Variants in WDR26 observed in about 807,000 individuals in gnomAD.
WDR26 encodes WD repeat domain 26, also known as WD repeat-containing protein 26.
WDR26 carries 5 observed loss-of-function variants against 84.1 expected under a neutral mutation model. That is an observed-to-expected ratio of 0.06 (90% CI 0.03 to 0.13). The LOEUF is 0.13. Ranked by LOEUF, WDR26 falls within the 10% of genes least tolerant of loss-of-function variation. The pLI, the probability that WDR26 is intolerant of heterozygous loss-of-function variation, is 1.00. For missense variants in WDR26, 642 were observed against 974.9 expected (o/e 0.66, Z 4.55); for synonymous variants, 415 against 389.6 (o/e 1.07, Z -0.77).
At position 224,422,462 on chromosome 1, in the gene WDR26, T is replaced by C. The variant is rs192097288; in HGVS notation, c.1064+2056A>G. 1.5e-3 allele frequency among the ~76,000 whole-genome samples: 230 copies of C among 152,286 alleles called. 3 individuals carry two copies. Among genetic ancestry groups the C allele is most frequent in the South Asian group, 0.013 (65 of 4,830 alleles). ...CTGGTACAGTGGCTCACGCCTATAA[T>C]CCCAGCACTTTGGAAGGCTGAGGCA... On this transcript the variant is annotated intron_variant, in intron 4 of 13. Transcript: ENST00000414423.
rs1193425894 is a variant in WDR26, at chr1:224,431,539, G to T, written c.865C>A (p.Pro289Thr). Residue 289 changes from proline to threonine, a missense_variant, in exon 3 of 14, where the codon CCT (proline) becomes ACT (threonine). Physicochemically the swap from Pro to Thr is conservative, Grantham distance 38. This residue lies in a region of WDR26 where 351 missense variants were observed against 672.8 expected (regional missense o/e 0.52). Coordinates refer to ENST00000414423, the MANE Select transcript of WDR26 (RefSeq NM_001379403.1). ...GCGCCTCTTACCACAATAGCATGAGGAGAATGCACTAAAGGCTTTAGTTCA... is the reference window on the plus strand; with the variant it reads ...GCGCCTCTTACCACAATAGCATGAGTAGAATGCACTAAAGGCTTTAGTTCA... 8 of 1,614,044 alleles carry T rather than the reference G, an allele frequency of 5.0e-6. No individual in the cohort carries two copies. The highest frequency in any genetic ancestry group is 8.5e-7 in the Non-Finnish European group (1 of 1,179,968).
At position 224,398,924 on chromosome 1, in the gene WDR26, C is replaced by T. The variant is rs780415682; in HGVS notation, c.1830G>A (p.Arg610=). The change falls in exon 10 of 14, where the codon CGG becomes CGA. Residue 610 remains arginine (R), a synonymous_variant. Coordinates refer to ENST00000414423, the MANE Select transcript of WDR26 (RefSeq NM_001379403.1). ...CTGTAAGGTCCTCGAAGTTATAGCC[C>T]CGAATTCGCTGGTGTGTATCTGATG... 6.2e-7 allele frequency: 1 copy of T among 1,613,756 alleles called. No homozygotes were observed. Among genetic ancestry groups the T allele is most frequent in the South Asian group, 1.1e-5 (1 of 91,062 alleles).
At chr1:224,433,619 C>A in intron 1 of WDR26, 65 bp downstream of exon 1, 14 of 1,169,694 alleles carry the variant, frequency 1.2e-5, no homozygotes, top group Non-Finnish European at 1.4e-5. Context: ...CGCCCCTTCC[C>A]CTACCCCCCT....
At position 224,388,032 on chromosome 1, in the gene WDR26, A is replaced by G. The variant is rs1253056746; in HGVS notation, c.*1803T>C. On this transcript the variant is annotated 3_prime_UTR_variant, in exon 14 of 14. Transcript: ENST00000414423. ...GAAATCTTTTACATACCAATTTGAT[A>G]AGAGTCTGCTGACCACGATCTGTCA... 1.3e-5 allele frequency: 2 copies of G among 152,624 alleles called. No individual in the cohort carries two copies. The highest frequency in any genetic ancestry group is 2.9e-5 in the Non-Finnish European group (2 of 68,022). The allele number at this position is 152,624 out of a possible 1,614,324, so 9.5% of individuals were successfully genotyped here.
At chr1:224,389,980 C>G (rs977101889) in intron 13 of WDR26, 120 bp from the exon 14 acceptor site, 14 of 690,982 alleles carry the variant, frequency 2.0e-5, no homozygotes, top group Non-Finnish European at 3.3e-5. Flanking sequence ...CAAAATTATA[C>G]TAACATTAAA....
chr1:224,412,949 G>A (rs1673780572), intron 6 of WDR26: 1 of 154,296 alleles, frequency 6.5e-6, no homozygotes, highest in African/African-American at 2.4e-5. Flanking sequence ...AGCACTTTGG[G>A]AGGCCAAGGC....
Position 224,434,629 on chromosome 1 carries a change from C to T in WDR26, c.-224G>A. On this transcript the variant is annotated 5_prime_UTR_variant, in exon 1 of 14. Transcript: ENST00000414423. Reference sequence around the variant, plus strand: ...GCGGCCCGGGGGTCGCGCCGGGGGGCGCCGCGGGGCGGCTGCGGGGGCGCG... The same window carrying T: ...GCGGCCCGGGGGTCGCGCCGGGGGGTGCCGCGGGGCGGCTGCGGGGGCGCG... 3.4e-6 allele frequency: 2 copies of T among 586,514 alleles called. No individual in the cohort carries two copies. Among genetic ancestry groups the T allele is most frequent in the Non-Finnish European group, 4.2e-6 (2 of 472,342 alleles). The allele number at this position is 586,514 out of a possible 1,614,324, so 36.3% of individuals were successfully genotyped here.
chr1:224,421,583 CTG>C (rs1674064552), intron 4 of WDR26, among the ~76,000 whole-genome samples: 2 of 151,784 alleles, frequency 1.3e-5, no homozygotes, highest in African/African-American at 4.8e-5. Flanking sequence ...GAGAGAGACT[CTG>C]TCTCAAAAAA....
At chr1:224,407,171 T>TATATATATATATATATAA (rs1219084363) in intron 7 of WDR26, among the ~76,000 whole-genome samples, 7 of 94,460 alleles carry the variant, frequency 7.4e-5, no homozygotes, top group East Asian at 6.5e-4. Flanking sequence ...TATATATATA[T>TATATATATATATATATAA]AACTCAAAAA....
At chr1:224,397,187 A>C (rs950029547) in intron 12 of WDR26, among the ~76,000 whole-genome samples, 21 of 152,194 alleles carry the variant, frequency 1.4e-4, no homozygotes, top group Admixed American at 5.9e-4. Flanking sequence ...GACAGTGTCT[A>C]GCCATGTTGC....
intron 13 of WDR26, 27 bp downstream of exon 13, chr1:224,393,801 C>A: frequency 6.8e-7 from 1 of 1,468,050 alleles, no homozygotes; most frequent in Non-Finnish European, 9.2e-7. Context: ...TTGGACAAAA[C>A]ATAGTAACAT....
Position 224,398,506 on chromosome 1 carries a change from T to A in WDR26, c.1944+9A>T. The A allele has an allele frequency of 6.3e-7, 1 of 1,597,788 alleles. No homozygotes were observed. The highest frequency in any genetic ancestry group is 1.8e-5 in the Admixed American group (1 of 56,276). ...CAAATTTTTCAGAAAATTATACTAA[T>A]AAACATACCTGAGTTGCTACATTTA... On this transcript the variant is annotated intron_variant, in intron 11 of 13. Coordinates refer to ENST00000414423, the MANE Select transcript of WDR26 (RefSeq NM_001379403.1).
chr1:224,397,933 T>C (rs757934556), intron 12 of WDR26, 164 bp downstream of exon 12: 57 of 783,700 alleles, frequency 7.3e-5, no homozygotes, highest in Middle Eastern at 7.6e-4. Context: ...TTTGTGATAA[T>C]ACAGGGGCTT....
intron 4 of WDR26, among the ~76,000 whole-genome samples, chr1:224,421,697 A>G (rs1674068636): frequency 6.6e-6 from 1 of 152,196 alleles, no homozygotes; most frequent in African/African-American, 2.4e-5. Context: ...TGGGAAGCCA[A>G]GGTGGGAGGA....
At chr1:224,397,090 A>C (rs924792701) in intron 12 of WDR26, among the ~76,000 whole-genome samples, 1 of 152,204 alleles carries the variant, frequency 6.6e-6, no homozygotes, top group Non-Finnish European at 1.5e-5. Flanking sequence ...TAAACATCTT[A>C]TACAATAAAT....
At chr1:224,407,149 A>ATATATATATATATATAT (rs1269837626) in intron 7 of WDR26, among the ~76,000 whole-genome samples, 1 of 17,854 alleles carries the variant, frequency 5.6e-5, no homozygotes, top group Non-Finnish European at 1.0e-4. Context: ...AAAAAAAAAA[A>ATATATATATATATATAT]AAATATATAT....
intron 4 of WDR26, among the ~76,000 whole-genome samples, chr1:224,424,216 ATTTTGT>A (rs1279210486): frequency 2.6e-5 from 4 of 152,202 alleles, no homozygotes; most frequent in Admixed American, 6.5e-5. Context: ...TATGATTTTT[ATTTTGT>A]TTTTAACTAC....
chr1:224,423,130 C>T (rs1674112802), intron 4 of WDR26, among the ~76,000 whole-genome samples: 1 of 152,106 alleles, frequency 6.6e-6, no homozygotes, highest in Non-Finnish European at 1.5e-5. Context: ...CTGAACTTGC[C>T]TATTAGTTCT....
chr1:224,410,204 C>G (rs1023355252), intron 7 of WDR26, among the ~76,000 whole-genome samples: 1 of 150,352 alleles, frequency 6.7e-6, no homozygotes, highest in African/African-American at 2.5e-5. Context: ...TCCCTTGAAC[C>G]CAGGAGGTGG....
Sources: allele counts gnomAD v4.1 joint callset (sites outside exome capture counted in the v4.1 genomes callset), GRCh38; gene constraint gnomAD v4.1.1; regional missense constraint gnomAD v4.1.1; transcripts MANE v1.5; gene names NCBI Gene and HGNC (gene_info 2026-07-23, HGNC 2026-07-21).